Variants in MEIKIN observed in about 807,000 individuals in gnomAD.
The protein encoded by MEIKIN is meiosis-specific kinetochore protein.
chr5:131,842,988 ACCTCAACTCTTG>A (rs1348865899), intron 11 of MEIKIN, among the ~76,000 whole-genome samples: 1 of 152,112 alleles, frequency 6.6e-6, no homozygotes, highest in Non-Finnish European at 1.5e-5. Flanking sequence ...AGGTTCCCAA[ACCTCAACTCTTG>A]CCTTCTGTGC....
chr5:131,915,727 A>T (rs969838632), intron 7 of MEIKIN, among the ~76,000 whole-genome samples: 1 of 152,208 alleles, frequency 6.6e-6, no homozygotes, highest in Non-Finnish European at 1.5e-5. Context: ...ACAGTAAGTA[A>T]GTTTAACTCA....
At chr5:131,930,509 A>G (rs1751671558) in intron 5 of MEIKIN, among the ~76,000 whole-genome samples, 1 of 152,042 alleles carries the variant, frequency 6.6e-6, no homozygotes, top group Non-Finnish European at 1.5e-5. Flanking sequence ...CCATTTGTCA[A>G]TTTTTGTTTT....
intron 12 of MEIKIN, among the ~76,000 whole-genome samples, chr5:131,817,792 A>C (rs1366918434): frequency 2.0e-5 from 3 of 152,276 alleles, no homozygotes; most frequent in African/African-American, 7.2e-5. Context: ...GGTACTGTGG[A>C]GGAAATAAGT....
rs991768108 is a variant in MEIKIN, at chr5:131,944,739, C to T, written c.214G>A (p.Val72Ile). The T allele has an allele frequency of 1.8e-5, 7 of 398,984 alleles. No individual in the cohort carries two copies. 24.7% of individuals were successfully genotyped at this position (398,984 alleles called of 1,614,324 possible). Reference protein sequence around the residue: ...GSGPFSPRLGVTGEKSLQENR... With the variant: ...GSGPFSPRLGITGEKSLQENR... ...TCTTGCAGGCTTTTCTCTCCTGTAA[C>T]TCCTAAGCGAGGGCTAACAAAGAGA... The change falls in exon 3 of 13, where the codon GTT becomes ATT. Residue 72 changes from valine (V) to isoleucine (I), a missense_variant. Val to Ile is a conservative substitution (Grantham distance 29). Coordinates refer to ENST00000442687, the MANE Select transcript of MEIKIN (RefSeq NM_001303622.2).
intron 12 of MEIKIN, among the ~76,000 whole-genome samples, chr5:131,809,677 G>A (rs771623929): frequency 5.3e-5 from 8 of 151,842 alleles, no homozygotes; most frequent in African/African-American, 9.7e-5. Context: ...GTGGTGGTAC[G>A]TGCCTGTAAT....
chr5:131,811,301 C>A (rs1772947744), intron 12 of MEIKIN, among the ~76,000 whole-genome samples: 1 of 151,476 alleles, frequency 6.6e-6, no homozygotes, highest in Non-Finnish European at 1.5e-5. Context: ...CCAAAAAGAT[C>A]AAATTAAGAG....
chr5:131,839,876 T>C (rs1749873475), intron 11 of MEIKIN, among the ~76,000 whole-genome samples: 1 of 152,216 alleles, frequency 6.6e-6, no homozygotes, highest in South Asian at 2.1e-4. Flanking sequence ...AATGTATGGA[T>C]TTGATCCTGT....
intron 9 of MEIKIN, among the ~76,000 whole-genome samples, chr5:131,875,530 G>A (rs1322622727): frequency 6.6e-6 from 1 of 151,886 alleles, no homozygotes; most frequent in Non-Finnish European, 1.5e-5. Context: ...CCATGCTCAT[G>A]GGTAGGAATA....
At chr5:131,929,437 T>A (rs966259164) in intron 5 of MEIKIN, among the ~76,000 whole-genome samples, 8 of 152,240 alleles carry the variant, frequency 5.3e-5, no homozygotes, top group African/African-American at 1.9e-4. Context: ...AATGTTGGTC[T>A]GCTTGATAGT....
At chr5:131,810,536 T>G (rs915530908) in intron 12 of MEIKIN, among the ~76,000 whole-genome samples, 1 of 152,224 alleles carries the variant, frequency 6.6e-6, no homozygotes, top group Admixed American at 6.5e-5. Context: ...TTTTGTTATA[T>G]GTAAGATGAG....
At chr5:131,859,592 T>G (rs1750248891) in intron 9 of MEIKIN, among the ~76,000 whole-genome samples, 1 of 152,138 alleles carries the variant, frequency 6.6e-6, no homozygotes, top group Non-Finnish European at 1.5e-5. Context: ...GAGTAAAAGC[T>G]CCCTGAGGCC....
intron 9 of MEIKIN, among the ~76,000 whole-genome samples, chr5:131,868,243 C>A (rs1197936919): frequency 6.6e-6 from 1 of 152,134 alleles, no homozygotes; most frequent in African/African-American, 2.4e-5. Flanking sequence ...GCCTGCAGCA[C>A]CATGCCAGGC....
chr5:131,830,543 T>G (rs757752498), intron 11 of MEIKIN, among the ~76,000 whole-genome samples: 3 of 152,262 alleles, frequency 2.0e-5, no homozygotes, highest in East Asian at 1.9e-4. Flanking sequence ...GAAAAATATC[T>G]GCTCAGCAAG....
intron 4 of MEIKIN, among the ~76,000 whole-genome samples, chr5:131,937,531 C>T (rs1294992292): frequency 1.3e-5 from 2 of 151,880 alleles, no homozygotes; most frequent in African/African-American, 4.8e-5. Context: ...TTCAGTCCTG[C>T]TTGGAGTCAC....
intron 11 of MEIKIN, among the ~76,000 whole-genome samples, chr5:131,847,774 C>T (rs777159270): frequency 6.6e-6 from 1 of 151,654 alleles, no homozygotes; most frequent in Non-Finnish European, 1.5e-5. Flanking sequence ...AGGTATCAGG[C>T]CATAAATTAA....
rs149423029 is a variant in MEIKIN at position 131,945,024 on chromosome 5, G to A, written c.200+132C>T. On this transcript the variant is annotated intron_variant, in intron 2 of 12. Coordinates refer to ENST00000442687, the MANE Select transcript of MEIKIN (RefSeq NM_001303622.2). ...TCAAATTTTGGGGTCCATGTTCTGA[G>A]AAGAGCAAAATCAGAGTACTGTATT... 24 of 398,274 alleles carry A rather than the reference G, an allele frequency of 6.0e-5. No individual in the cohort carries two copies. The East Asian group carries it at 8.2e-4, about 14-fold the overall frequency. The allele number at this position is 398,274 out of a possible 1,614,324, so 24.7% of individuals were successfully genotyped here.
intron 11 of MEIKIN, among the ~76,000 whole-genome samples, chr5:131,823,696 T>C (rs1749561294): frequency 6.6e-6 from 1 of 152,170 alleles, no homozygotes; most frequent in Non-Finnish European, 1.5e-5. Flanking sequence ...CCCTGGTGCC[T>C]TATTTAGATC....
intron 7 of MEIKIN, among the ~76,000 whole-genome samples, chr5:131,916,618 A>G (rs1203958815): frequency 6.6e-6 from 1 of 152,218 alleles, no homozygotes; most frequent in Non-Finnish European, 1.5e-5. Flanking sequence ...ACTTCTTCCA[A>G]TCTGTCACTA....
At position 131,818,073 on chromosome 5, in the gene MEIKIN, G is replaced by A. The variant is rs184717026; in HGVS notation, c.1099+667C>T. Among the ~76,000 whole-genome samples, 215 of 152,250 alleles carry A rather than the reference G, an allele frequency of 1.4e-3. 1 individual carries two copies. Among genetic ancestry groups the A allele is most frequent in the African/African-American group, 4.9e-3 (204 of 41,530 alleles). On this transcript the variant is annotated intron_variant, in intron 12 of 12. Coordinates refer to ENST00000442687, the MANE Select transcript of MEIKIN (RefSeq NM_001303622.2). ...TACCACTTGAAGAAGTATGATCTTGGACAAATTCCTTACTACTTTAAATCT... is the reference window on the plus strand; with the variant it reads ...TACCACTTGAAGAAGTATGATCTTGAACAAATTCCTTACTACTTTAAATCT...
Sources: gnomAD v4.1 joint callset for allele counts (sites outside exome capture counted in the v4.1 genomes callset) on GRCh38, gnomAD v4.1.1 for gene constraint, MANE v1.5 for transcripts, NCBI Gene and HGNC (gene_info 2026-07-23, HGNC 2026-07-21) for gene names.